Variants in PPFIA2 observed in about 807,000 individuals in gnomAD.
PPFIA2 encodes the protein liprin-alpha-2.
PPFIA2 carries 46 observed loss-of-function variants against 175.5 expected under a neutral mutation model. That is an observed-to-expected ratio of 0.26 (90% CI 0.21 to 0.34). PPFIA2 has a LOEUF of 0.34. Ranked by LOEUF, PPFIA2 falls within the 10% of genes least tolerant of loss-of-function variation. PPFIA2 has a pLI of 1.00. For synonymous variants in PPFIA2, 568 were observed against 511.4 expected (o/e 1.11, Z -1.49); for missense variants, 1,179 against 1,506.1 (o/e 0.78, Z 3.60).
At chr12:81,451,431 G>C (rs2052556790) in intron 5 of PPFIA2, among the ~76,000 whole-genome samples, 1 of 152,118 alleles carries the variant, frequency 6.6e-6, no homozygotes, top group South Asian at 2.1e-4. Context: ...ACCATGCTGG[G>C]AAGGGGTAGT....
intron 3 of PPFIA2, among the ~76,000 whole-genome samples, chr12:81,734,123 T>C (rs17008942): frequency 0.16 from 23,940 of 151,754 alleles, 1,966 homozygotes; most frequent in Middle Eastern, 0.24. Context: ...AGGGTGCATA[T>C]TGTGCCCAAA....
intron 8 of PPFIA2, among the ~76,000 whole-genome samples, chr12:81,405,009 A>C (rs911102297): frequency 3.9e-5 from 6 of 152,186 alleles, no homozygotes; most frequent in African/African-American, 9.6e-5. Flanking sequence ...TGAGTTTCCA[A>C]CACAGGATGT....
chr12:81,398,465 C>A (rs928317705), intron 8 of PPFIA2, among the ~76,000 whole-genome samples: 1 of 151,434 alleles, frequency 6.6e-6, no homozygotes, highest in South Asian at 2.1e-4. Flanking sequence ...GCTGCCTTTT[C>A]CCTCCATAGT....
rs2055715859 is a variant in PPFIA2 at position 81,466,759 on chromosome 12, T to TA, written c.304-8894_304-8893insT. ...GAACGTATTTGGAGGCAAGGTAGGG[T>TA]TTTCTCAGTATCCCCACAATGGCTG... On this transcript the variant is annotated intron_variant, in intron 4 of 32. Coordinates refer to ENST00000549396, the MANE Select transcript of PPFIA2 (RefSeq NM_003625.5). Among the ~76,000 whole-genome samples, 4 of 151,712 alleles carry TA rather than the reference T, an allele frequency of 2.6e-5. No homozygotes were observed. The South Asian group carries it at 8.3e-4, about 32-fold the overall frequency.
At chr12:81,567,345 G>A (rs565087490) in intron 4 of PPFIA2, among the ~76,000 whole-genome samples, 11 of 152,246 alleles carry the variant, frequency 7.2e-5, no homozygotes, top group Admixed American at 2.6e-4. Flanking sequence ...CACTGCGCCC[G>A]GCCAGGAGAG....
chr12:81,438,466 C>T (rs993022260), intron 7 of PPFIA2, among the ~76,000 whole-genome samples: 12 of 151,696 alleles, frequency 7.9e-5, no homozygotes, highest in African/African-American at 1.2e-4. Flanking sequence ...AGCAAGACTC[C>T]GTCTCAAAAC....
intron 4 of PPFIA2, among the ~76,000 whole-genome samples, chr12:81,488,349 T>C (rs908111656): frequency 1.3e-5 from 2 of 151,788 alleles, no homozygotes; most frequent in Non-Finnish European, 1.5e-5. Flanking sequence ...TTTTGCCATT[T>C]TTGGGAGGTT....
Position 81,261,999 on chromosome 12 carries a change from G to A in PPFIA2, c.3757C>T (p.Arg1253Cys), listed in dbSNP as rs1316742650. The part of the protein sequence containing the change: ...RLQRLDNSTV[R>C]TYSC Reference sequence around the variant, plus strand: ...GTGGCTGGTCAACATGAGTATGTGCGAACAGTGGAGTTGTCTAACCTCTGC... The same window carrying A: ...GTGGCTGGTCAACATGAGTATGTGCAAACAGTGGAGTTGTCTAACCTCTGC... Residue 1253 changes from arginine to cysteine, a missense_variant, in exon 32 of 33, where the codon CGC becomes TGC. Arg to Cys is a radical substitution (Grantham distance 180). This residue lies in a region of PPFIA2 where 245 missense variants were observed against 375.1 expected (regional missense o/e 0.65). Coordinates refer to ENST00000549396, the MANE Select transcript of PPFIA2 (RefSeq NM_003625.5). 2 of 1,605,474 alleles carry A rather than the reference G, an allele frequency of 1.2e-6. No homozygotes were observed. The highest frequency in any genetic ancestry group is 1.3e-5 in the African/African-American group (1 of 74,744).
intron 4 of PPFIA2, among the ~76,000 whole-genome samples, chr12:81,487,109 T>C (rs991373964): frequency 2.6e-5 from 4 of 151,932 alleles, no homozygotes; most frequent in Non-Finnish European, 5.9e-5. Context: ...CACAGTGTGT[T>C]AAGCTTTGGA....
chr12:81,457,388 T>C (rs1347382288), intron 5 of PPFIA2, among the ~76,000 whole-genome samples: 1 of 152,018 alleles, frequency 6.6e-6, no homozygotes, highest in Non-Finnish European at 1.5e-5. Flanking sequence ...CTTCCTCTTT[T>C]CCAAAACTCT....
At chr12:81,437,386 A>T (rs1965099) in intron 7 of PPFIA2, among the ~76,000 whole-genome samples, 1 of 151,810 alleles carries the variant, frequency 6.6e-6, no homozygotes, top group East Asian at 2.0e-4. Context: ...CCCGCCACCA[A>T]GCCCAGCTAA....
intron 15 of PPFIA2, among the ~76,000 whole-genome samples, chr12:81,359,977 A>T (rs2141149240): frequency 6.6e-6 from 1 of 151,808 alleles, no homozygotes; most frequent in East Asian, 1.9e-4. Context: ...AATTCCAGTA[A>T]CTCACACTTT....
At chr12:81,739,165 AAC>A (rs755786727) in intron 3 of PPFIA2, among the ~76,000 whole-genome samples, 4 of 152,146 alleles carry the variant, frequency 2.6e-5, no homozygotes, top group Admixed American at 6.5e-5. Context: ...TTATTATTCT[AAC>A]ACAGAACTTT....
Position 81,553,866 on chromosome 12 carries a change from T to C in PPFIA2, c.304-96000A>G, listed in dbSNP as rs554737124. 3.9e-5 allele frequency among the ~76,000 whole-genome samples: 6 copies of C among 152,182 alleles called. No homozygotes were observed. In the East Asian group the frequency reaches 7.7e-4, roughly 20 times the overall value. ...TCAATAACAGTAAATAACTGAGATA[T>C]AAAGTGTCTGTTTTGATGGTGATGA... On this transcript the variant is annotated intron_variant, in intron 4 of 32. Transcript: ENST00000549396.
At chr12:81,516,964 G>A (rs1184195999) in intron 4 of PPFIA2, among the ~76,000 whole-genome samples, 1 of 152,158 alleles carries the variant, frequency 6.6e-6, no homozygotes, top group Non-Finnish European at 1.5e-5. Context: ...CATGAAAGAT[G>A]TTGATAATCT....
intron 3 of PPFIA2, among the ~76,000 whole-genome samples, chr12:81,701,379 G>A (rs1243598396): frequency 1.3e-5 from 2 of 152,046 alleles, no homozygotes; most frequent in Non-Finnish European, 1.5e-5. Flanking sequence ...AGTTATGAGG[G>A]TACCATCTTG....
intron 3 of PPFIA2, among the ~76,000 whole-genome samples, chr12:81,695,991 C>T (rs1275503041): frequency 1.3e-5 from 2 of 152,106 alleles, no homozygotes; most frequent in African/African-American, 4.8e-5. Context: ...TTAATATTAA[C>T]ATATTGTGAT....
chr12:81,471,126 TA>T (rs1473336344), intron 4 of PPFIA2: 1 of 146,674 alleles, frequency 6.8e-6, no homozygotes, highest in Non-Finnish European at 1.5e-5. Flanking sequence ...TTTATTTATT[TA>T]TTTATTTATT....
At chr12:81,368,563 C>T (rs1412244088) in intron 13 of PPFIA2, among the ~76,000 whole-genome samples, 162 bp downstream of exon 13, 2 of 151,720 alleles carry the variant, frequency 1.3e-5, no homozygotes, top group African/African-American at 4.8e-5. Flanking sequence ...TGATCTTACA[C>T]TTTTTTAAAT....
Sources: allele counts gnomAD v4.1 joint callset (sites outside exome capture counted in the v4.1 genomes callset), GRCh38; gene constraint gnomAD v4.1.1; regional missense constraint gnomAD v4.1.1; transcripts MANE v1.5; gene names NCBI Gene and HGNC (gene_info 2026-07-23, HGNC 2026-07-21).